RIPOR3: variants seen among roughly 807,000 people sequenced by gnomAD.
RIPOR3 encodes the protein family with sequence similarity 65 member C.
A neutral mutation model predicts 114.3 loss-of-function variants in RIPOR3; 95 were observed. The observed-to-expected ratio is 0.83, with a 90% confidence interval of 0.70 to 0.99. The LOEUF is 0.99. Ranked by LOEUF, RIPOR3 falls within the 50% of genes least tolerant of loss-of-function variation. The pLI, the probability that RIPOR3 is intolerant of heterozygous loss-of-function variation, is 0.00. For missense variants in RIPOR3, 1,252 were observed against 1,266.9 expected (o/e 0.99, Z 0.18); for synonymous variants, 575 against 543.8 (o/e 1.06, Z -0.80).
At chr20:50,666,228 T>TTTCTTTTCTTTTC (rs1286460463) in intron 1 of RIPOR3, among the ~76,000 whole-genome samples, 4 of 128,324 alleles carry the variant, frequency 3.1e-5, no homozygotes, top group Non-Finnish European at 6.7e-5. Context: ...TTTTCTTTTT[T>TTTCTTTTCTTTTC]GAGACGGAGT....
At chr20:50,598,209 G>C (rs1000703420) in intron 13 of RIPOR3, among the ~76,000 whole-genome samples, 2 of 150,432 alleles carry the variant, frequency 1.3e-5, no homozygotes, top group African/African-American at 4.9e-5. Flanking sequence ...GCTTCTTCAC[G>C]AGGCTCAGAG....
At chr20:50,604,394 G>A (rs1253524381) in intron 12 of RIPOR3, among the ~76,000 whole-genome samples, 1 of 152,198 alleles carries the variant, frequency 6.6e-6, no homozygotes, top group African/African-American at 2.4e-5. Flanking sequence ...GGCCATGACT[G>A]GGGTGCTAGA....
intron 13 of RIPOR3, among the ~76,000 whole-genome samples, chr20:50,601,791 G>A (rs559961743): frequency 2.4e-4 from 37 of 152,286 alleles, no homozygotes; most frequent in South Asian, 4.1e-4. Context: ...CCACAGCCCC[G>A]CCCACCCAGG....
At chr20:50,625,581 GTT>G (rs1247578912) in intron 2 of RIPOR3, among the ~76,000 whole-genome samples, 1 of 152,112 alleles carries the variant, frequency 6.6e-6, no homozygotes, top group African/African-American at 2.4e-5. Flanking sequence ...CTGCTATTTC[GTT>G]TTCACACCCA....
chr20:50,633,848 C>A (rs746361623), intron 1 of RIPOR3, among the ~76,000 whole-genome samples: 1 of 152,178 alleles, frequency 6.6e-6, no homozygotes, highest in Non-Finnish European at 1.5e-5. Context: ...ACAGCGGATT[C>A]ATCACTCATA....
At position 50,648,527 on chromosome 20, in the gene RIPOR3, G is replaced by T. The variant is rs1378370971; in HGVS notation, c.4-17671C>A. Reference sequence around the variant, plus strand: ...TTTTCCACTGACCAGGGTGGGGGTTGGGTGGGTGGTTTTGGGGTGATTCAA... The same window carrying T: ...TTTTCCACTGACCAGGGTGGGGGTTTGGTGGGTGGTTTTGGGGTGATTCAA... On this transcript the variant is annotated intron_variant, in intron 1 of 21. Coordinates refer to ENST00000327979, the MANE Select transcript of RIPOR3 (RefSeq NM_001290268.2). Among the ~76,000 whole-genome samples the T allele has an allele frequency of 3.3e-5, 5 of 151,520 alleles. No homozygotes were observed. In the South Asian group the frequency reaches 6.3e-4, roughly 19 times the overall value.
At position 50,691,460 on chromosome 20, in the gene RIPOR3, C is replaced by T; in HGVS notation, c.-332G>A. The T allele has an allele frequency of 4.6e-6, 1 of 217,266 alleles. No individual in the cohort carries two copies. The highest frequency in any genetic ancestry group is 9.5e-6 in the Non-Finnish European group (1 of 105,614). 13.5% of individuals were successfully genotyped at this position (217,266 alleles called of 1,614,324 possible). On this transcript the variant is annotated 5_prime_UTR_variant, in exon 1 of 22. Transcript: ENST00000327979. ...GGGGTTCCAGGAAGCCCTCCTGGGG[C>T]CCCCCAGCCGGCCCCGCTCCCCCCG...
intron 6 of RIPOR3, among the ~76,000 whole-genome samples, chr20:50,609,959 ACTGCCTCACCTGCCACCCCTACCACCC>A (rs2083894510): frequency 1.7e-5 from 2 of 114,292 alleles, no homozygotes; most frequent in Admixed American, 8.9e-5. Context: ...ACCTGCCACC[ACTGCCTCACCTGCCACCCCTACCACCC>A]CTGCCTCACC....
At chr20:50,604,550 A>G (rs1383932931) in intron 12 of RIPOR3, 95 bp downstream of exon 12, 4 of 1,456,370 alleles carry the variant, frequency 2.7e-6, no homozygotes, top group South Asian at 2.9e-5. Flanking sequence ...GAGGCTTGCC[A>G]TGTCTGGGAG....
chr20:50,621,154 G>A (rs1287240508), intron 2 of RIPOR3: 2 of 354,006 alleles, frequency 5.6e-6, no homozygotes, highest in African/African-American at 4.3e-5. Flanking sequence ...TAAAAATCTG[G>A]TATCAGAAAT....
intron 1 of RIPOR3, among the ~76,000 whole-genome samples, chr20:50,669,696 C>T (rs530224973): frequency 7.2e-5 from 11 of 152,240 alleles, no homozygotes; most frequent in African/African-American, 2.2e-4. Context: ...CCTGGTGTTT[C>T]GCTTTCCTTG....
At position 50,594,698 on chromosome 20, in the gene RIPOR3, C is replaced by T. The variant is rs775420055; in HGVS notation, c.2067G>A (p.Ser689=). The change falls in exon 17 of 22, where the codon TCG becomes TCA. Residue 689 remains serine (S), a synonymous_variant. Transcript: ENST00000327979. ...ACAGCTTCAGGCACCCCTTCGTCCG[C>T]GAGGCCTGTGGGATGACTGAAAGCC... ...TSIEEIIPQA[S]RTKGCLKLWR... 2.5e-5 allele frequency: 40 copies of T among 1,611,526 alleles called. No individual in the cohort carries two copies. Among genetic ancestry groups the T allele is most frequent in the Middle Eastern group, 1.6e-4 (1 of 6,076 alleles).
chr20:50,586,959 A>C lies in RIPOR3; in HGVS notation c.*273T>G. The C allele has an allele frequency of 2.5e-6, 1 of 392,658 alleles. No homozygotes were observed. The highest frequency in any genetic ancestry group is 4.7e-6 in the Non-Finnish European group (1 of 214,184). The allele number at this position is 392,658 out of a possible 1,614,324, so 24.3% of individuals were successfully genotyped here. A position where few individuals can be genotyped will look rare whatever the true frequency, so the allele number is the denominator to read the frequency against. ...TTGGCTCAGCTCTGCATCTCGGGGA[A>C]GGTCACACAGACCCTCAGCCAGAAG... On this transcript the variant is annotated 3_prime_UTR_variant, in exon 22 of 22. Coordinates refer to ENST00000327979, the MANE Select transcript of RIPOR3 (RefSeq NM_001290268.2).
At chr20:50,594,238 A>T (rs1018901020) in intron 17 of RIPOR3, among the ~76,000 whole-genome samples, 1 of 150,260 alleles carries the variant, frequency 6.7e-6, no homozygotes, top group African/African-American at 2.5e-5. Flanking sequence ...ATTGTGCCAC[A>T]GCACTATAGC....
In RIPOR3 at chr20:50,589,706, G is replaced by C. The variant is rs775413820; in HGVS notation, c.2641C>G (p.Leu881Val). The change falls in exon 20 of 22, where the codon CTA (leucine) becomes GTA (valine). Residue 881 changes from leucine (L) to valine (V), a missense_variant. Coordinates refer to ENST00000327979, the MANE Select transcript of RIPOR3 (RefSeq NM_001290268.2). ...CTCACCTTGAGGTGTTTGAGCGCTA[G>C]GCATGCGGCCTGCTGGAGCCTTGCG... ...NDARLQQAAC[L>V]ALKHLKGIES... 2 of 1,613,904 alleles carry C rather than the reference G, an allele frequency of 1.2e-6. No homozygotes were observed. Among genetic ancestry groups the C allele is most frequent in the Admixed American group, 3.3e-5 (2 of 60,006 alleles).
At chr20:50,626,219 G>T (rs1273299061) in intron 2 of RIPOR3, among the ~76,000 whole-genome samples, 1 of 152,258 alleles carries the variant, frequency 6.6e-6, no homozygotes, top group African/African-American at 2.4e-5. Context: ...TAGATGCACC[G>T]CTTCCCCGTC....
intron 12 of RIPOR3, among the ~76,000 whole-genome samples, chr20:50,604,151 C>T (rs1162554324): frequency 6.6e-6 from 1 of 150,712 alleles, no homozygotes. Context: ...CGTGACTGCA[C>T]TCCAGCCTGG....
chr20:50,604,603 C>A, intron 12 of RIPOR3, 42 bp downstream of exon 12: 1 of 1,572,360 alleles, frequency 6.4e-7, no homozygotes, highest in South Asian at 1.2e-5. Flanking sequence ...GCCCCCATCC[C>A]AGGGTGACCA....
Position 50,602,214 on chromosome 20 carries a change from G to A in RIPOR3, c.1517C>T (p.Thr506Ile). The A allele has an allele frequency of 6.2e-7, 1 of 1,613,812 alleles. No homozygotes were observed. The change falls in exon 13 of 22, where the codon ACC becomes ATC. Residue 506 changes from threonine to isoleucine, a missense_variant. Transcript: ENST00000327979. The surrounding 1 kb of genome is among the most constrained non-coding windows in gnomAD (Gnocchi z 4.3). The part of the protein sequence containing the change: ...SSQNGHEEGA[T>I]GDREDGPGVA... ...GCCAGGCCCGTCCTCTCTGTCCCCG[G>A]TTGCCCCTTCCTCGTGGCCGTTCTG...
Sources: allele counts gnomAD v4.1 joint callset (sites outside exome capture counted in the v4.1 genomes callset), GRCh38; gene constraint gnomAD v4.1.1; non-coding constraint Gnocchi (gnomAD v3.1); transcripts MANE v1.5; gene names NCBI Gene and HGNC (gene_info 2026-07-23, HGNC 2026-07-21).